Variants in DSCAML1 observed in about 807,000 individuals in gnomAD.
DSCAML1 encodes DS cell adhesion molecule like 1, also known as cell adhesion molecule DSCAML1.
DSCAML1 carries 38 observed loss-of-function variants against 200.5 expected under a neutral mutation model. The ratio of observed to expected loss-of-function variants is 0.19; its 90% CI spans 0.15 to 0.25. DSCAML1 has a LOEUF of 0.25. DSCAML1 is among the 10% of genes least tolerant of loss of function. The pLI, the probability that DSCAML1 is intolerant of heterozygous loss-of-function variation, is 1.00. For missense variants in DSCAML1, 2,223 were observed against 2,858.8 expected (o/e 0.78, Z 5.07); for synonymous variants, 1,215 against 1,165.0 (o/e 1.04, Z -0.87).
intron 3 of DSCAML1, among the ~76,000 whole-genome samples, chr11:117,600,308 G>A (rs1242765765): frequency 6.6e-6 from 1 of 152,114 alleles, no homozygotes; most frequent in Non-Finnish European, 1.5e-5. Context: ...CTCTGCCTGG[G>A]CCTGGCTGGC....
At chr11:117,755,297 T>G (rs924329601) in intron 3 of DSCAML1, among the ~76,000 whole-genome samples, 13 of 152,224 alleles carry the variant, frequency 8.5e-5, no homozygotes, top group African/African-American at 2.9e-4. Flanking sequence ...GGGAAGACAG[T>G]TGTTTAAGGA....
At chr11:117,548,876 C>G (rs997844047) in intron 3 of DSCAML1, among the ~76,000 whole-genome samples, 4 of 152,292 alleles carry the variant, frequency 2.6e-5, no homozygotes, top group Middle Eastern at 3.4e-3. Flanking sequence ...GCTGGGCTGC[C>G]GTGGAACTGT....
In DSCAML1 at chr11:117,472,049, C is replaced by T. The variant is rs536655990; in HGVS notation, c.2786-13G>A. On this transcript the variant is annotated splice_polypyrimidine_tract_variant and intron_variant, in intron 14 of 32. Coordinates refer to ENST00000651296, the MANE Select transcript of DSCAML1 (RefSeq NM_020693.4). ...AAGTCCCAGGAATCTGGAGAGAAGA[C>T]ACCTATGTCAAAGCATGGCCAGGCA... The T allele has an allele frequency of 3.7e-6, 6 of 1,611,738 alleles. No individual in the cohort carries two copies. The highest frequency in any genetic ancestry group is 3.3e-5 in the Admixed American group (2 of 59,960).
chr11:117,506,537 CAAGAGAT>C (rs1012622313), intron 8 of DSCAML1, among the ~76,000 whole-genome samples: 4 of 138,258 alleles, frequency 2.9e-5, no homozygotes, highest in Admixed American at 7.4e-5. Flanking sequence ...AGACAAGAGA[CAAGAGAT>C]AACTTTTTTT....
intron 3 of DSCAML1, among the ~76,000 whole-genome samples, chr11:117,620,906 T>C (rs891552891): frequency 6.6e-6 from 1 of 152,182 alleles, no homozygotes; most frequent in African/African-American, 2.4e-5. Context: ...TTGTGAGAAT[T>C]AAGGAAGGTA....
At chr11:117,490,779 C>T (rs2049167666) in intron 11 of DSCAML1, among the ~76,000 whole-genome samples, 3 of 152,242 alleles carry the variant, frequency 2.0e-5, no homozygotes, top group Admixed American at 2.0e-4. Flanking sequence ...TCGGTTTATC[C>T]TAGCCTTCTC....
At chr11:117,605,757 T>C (rs2051554157) in intron 3 of DSCAML1, among the ~76,000 whole-genome samples, 1 of 152,000 alleles carries the variant, frequency 6.6e-6, no homozygotes, top group African/African-American at 2.4e-5. Context: ...CCCAGGGGAG[T>C]TGTAGAGAAC....
intron 3 of DSCAML1, among the ~76,000 whole-genome samples, chr11:117,773,926 C>A (rs969327153): frequency 1.3e-5 from 2 of 152,200 alleles, no homozygotes; most frequent in African/African-American, 4.8e-5. Flanking sequence ...TTTAACACAG[C>A]CCTGCAGATT....
chr11:117,588,089 G>A (rs2051185647), intron 3 of DSCAML1, among the ~76,000 whole-genome samples: 1 of 152,148 alleles, frequency 6.6e-6, no homozygotes, highest in Admixed American at 6.5e-5. Flanking sequence ...TCAGTTCATG[G>A]AATCCTCTGA....
At chr11:117,449,192 A>G (rs1413516273) in intron 20 of DSCAML1, among the ~76,000 whole-genome samples, 1 of 152,200 alleles carries the variant, frequency 6.6e-6, no homozygotes, top group Non-Finnish European at 1.5e-5. Flanking sequence ...GATGATGGTT[A>G]CCTGGGAGGA....
chr11:117,438,783 C>G, intron 24 of DSCAML1, 102 bp downstream of exon 24: 1 of 1,105,884 alleles, frequency 9.0e-7, no homozygotes, highest in South Asian at 2.0e-5. Flanking sequence ...CAGATCGTTT[C>G]TGTCATTTGG....
intron 3 of DSCAML1, among the ~76,000 whole-genome samples, chr11:117,644,144 C>A (rs1019600882): frequency 2.0e-5 from 3 of 152,208 alleles, no homozygotes; most frequent in Non-Finnish European, 4.4e-5. Context: ...GGTCGGCCTG[C>A]CCCTTGACTC....
chr11:117,657,326 C>T (rs1277227981), intron 3 of DSCAML1, among the ~76,000 whole-genome samples: 1 of 152,156 alleles, frequency 6.6e-6, no homozygotes, highest in Non-Finnish European at 1.5e-5. Flanking sequence ...GTCCACAAGA[C>T]AGACTCTTGG....
In DSCAML1 at chr11:117,516,263, C is replaced by T. The variant is rs1177008766; in HGVS notation, c.1783+204G>A. Among the ~76,000 whole-genome samples, 3 of 152,166 alleles carry T rather than the reference C, an allele frequency of 2.0e-5. No individual in the cohort carries two copies. The highest frequency in any genetic ancestry group is 4.4e-5 in the Non-Finnish European group (3 of 68,020). ...TTATTCTGCAGCCCGAGGAGGACCC[C>T]GGATGTAGAGGAGCTCATGGCCTGC... On this transcript the variant is annotated intron_variant, in intron 8 of 32. Transcript: ENST00000651296. The surrounding 1 kb of genome is among the most constrained non-coding windows in gnomAD (Gnocchi z 5.7).
At chr11:117,771,349 C>T (rs903259924) in intron 3 of DSCAML1, among the ~76,000 whole-genome samples, 1 of 152,224 alleles carries the variant, frequency 6.6e-6, no homozygotes, top group Non-Finnish European at 1.5e-5. Context: ...CAGTTTAGGA[C>T]AGTCTTTGTG....
At chr11:117,573,292 T>C (rs1264443132) in intron 3 of DSCAML1, among the ~76,000 whole-genome samples, 2 of 152,232 alleles carry the variant, frequency 1.3e-5, no homozygotes, top group Non-Finnish European at 2.9e-5. Context: ...TTTATGGGTA[T>C]TGGTGCCTAG....
At chr11:117,811,229 T>C (rs2055758322) in intron 1 of DSCAML1, among the ~76,000 whole-genome samples, 1 of 152,220 alleles carries the variant, frequency 6.6e-6, no homozygotes. Flanking sequence ...GCCGAGTTCA[T>C]GGCTCGTTCG....
intron 11 of DSCAML1, among the ~76,000 whole-genome samples, chr11:117,486,504 C>A (rs2049069395): frequency 6.6e-6 from 1 of 152,056 alleles, no homozygotes; most frequent in African/African-American, 2.4e-5. Context: ...GTGAAAGGCG[C>A]ATGTCTCAGG....
chr11:117,596,387 G>GAA (rs576749301), intron 3 of DSCAML1, among the ~76,000 whole-genome samples: 4 of 138,542 alleles, frequency 2.9e-5, no homozygotes, highest in Admixed American at 7.3e-5. Flanking sequence ...TTCTTCTCAG[G>GAA]AAAAAAAAAA....
Sources: allele counts gnomAD v4.1 joint callset (sites outside exome capture counted in the v4.1 genomes callset), GRCh38; gene constraint gnomAD v4.1.1; non-coding constraint Gnocchi (gnomAD v3.1); transcripts MANE v1.5; gene names NCBI Gene and HGNC (gene_info 2026-07-23, HGNC 2026-07-21).